The following DNAH17 variants were observed in gnomAD, a reference collection of about 807,000 sequenced individuals.
DNAH17 encodes the protein axonemal beta dynein heavy chain 17.
A neutral mutation model predicts 485.6 loss-of-function variants in DNAH17; 376 were observed. That is an observed-to-expected ratio of 0.77 (90% CI 0.71 to 0.84). The LOEUF is 0.84. Ranked by LOEUF, DNAH17 falls within the 40% of genes least tolerant of loss-of-function variation. DNAH17 has a pLI of 0.00. For missense variants in DNAH17, 6,370 were observed against 5,839.3 expected (o/e 1.09, Z -2.96); for synonymous variants, 3,031 against 2,405.9 (o/e 1.26, Z -7.60).
At chr17:78,553,414 G>A (rs1168333141) in intron 14 of DNAH17, among the ~76,000 whole-genome samples, 3 of 144,928 alleles carry the variant, frequency 2.1e-5, no homozygotes, top group Non-Finnish European at 4.5e-5. Context: ...CAATTCTCCT[G>A]CCTCAGCCTC....
Position 78,450,411 on chromosome 17 carries a change from G to A in DNAH17, c.10900-17C>T, listed in dbSNP as rs1469798352. On this transcript the variant is annotated splice_polypyrimidine_tract_variant and intron_variant, in intron 67 of 80. Coordinates refer to ENST00000389840, the MANE Select transcript of DNAH17 (RefSeq NM_173628.4). Reference sequence around the variant, plus strand: ...CTCCACCACCTCGACACAAACAAAAGGGGTGTGAATGACACAGCAGATGGG... The same window carrying A: ...CTCCACCACCTCGACACAAACAAAAAGGGTGTGAATGACACAGCAGATGGG... 18 of 1,613,238 alleles carry A rather than the reference G, an allele frequency of 1.1e-5. No individual in the cohort carries two copies. The highest frequency in any genetic ancestry group is 1.5e-5 in the Non-Finnish European group (18 of 1,179,708).
chr17:78,457,120 C>T (rs2087840540), intron 62 of DNAH17, among the ~76,000 whole-genome samples: 2 of 152,256 alleles, frequency 1.3e-5, no homozygotes, highest in South Asian at 4.1e-4. Flanking sequence ...CCTGTAATCC[C>T]AGCACTTTGG....
At chr17:78,475,230 T>A (rs751867178) in intron 54 of DNAH17, 48 bp downstream of exon 54, 2 of 1,593,526 alleles carry the variant, frequency 1.3e-6, no homozygotes, top group Non-Finnish European at 1.7e-6. Flanking sequence ...TTTTCTTTAC[T>A]CCCTGACCCT....
intron 77 of DNAH17, among the ~76,000 whole-genome samples, chr17:78,427,917 G>C (rs991814638): frequency 6.7e-6 from 1 of 148,642 alleles, no homozygotes; most frequent in Non-Finnish European, 1.5e-5. Flanking sequence ...AGTGAGCCGA[G>C]ATCGTGCCAT....
intron 77 of DNAH17, among the ~76,000 whole-genome samples, chr17:78,428,108 A>G (rs1465557664): frequency 2.6e-5 from 4 of 151,988 alleles, no homozygotes; most frequent in Admixed American, 1.3e-4. Flanking sequence ...CATTGTGGCC[A>G]CTGAGCGGCT....
In DNAH17 at chr17:78,441,085, C is replaced by T. The variant is rs151195909; in HGVS notation, c.11643G>A (p.Pro3881=). ...CCACGTCTTTCAAGGGGTCAACCCC[C>T]GGGGAGAGGATGAAGAAGATTGACG... ...PSTSIFFILS[P]GVDPLKDVEA... is the part of the protein sequence containing the mutation. The change falls in exon 72 of 81, where the codon CCG becomes CCA. Residue 3881 remains proline (P), a synonymous_variant. Coordinates refer to ENST00000389840, the MANE Select transcript of DNAH17 (RefSeq NM_173628.4). 873 of 1,609,598 alleles carry T rather than the reference C, an allele frequency of 5.4e-4. 3 individuals carry two copies. The African/African-American group carries it at 9.5e-3, about 17-fold the overall frequency.
At chr17:78,555,834 A>G (rs558344114) in intron 14 of DNAH17, among the ~76,000 whole-genome samples, 1 of 152,330 alleles carries the variant, frequency 6.6e-6, no homozygotes, top group South Asian at 2.1e-4. Context: ...GAATAGCACA[A>G]AAGGCGGAGG....
intron 19 of DNAH17, chr17:78,533,109 A>G: frequency 4.6e-6 from 1 of 215,888 alleles, no homozygotes; most frequent in Non-Finnish European, 9.4e-6. Context: ...ATATTCTGCC[A>G]TGGGAAGGTA....
intron 48 of DNAH17, among the ~76,000 whole-genome samples, 188 bp from the exon 49 acceptor site, chr17:78,480,974 T>G (rs1195358729): frequency 6.6e-6 from 1 of 151,974 alleles, no homozygotes; most frequent in Non-Finnish European, 1.5e-5. Context: ...TTTTTGCATT[T>G]TTAGTTGAGA....
chr17:78,469,970 A>C (rs1294753998), intron 54 of DNAH17, among the ~76,000 whole-genome samples: 1 of 152,010 alleles, frequency 6.6e-6, no homozygotes, highest in Non-Finnish European at 1.5e-5. Context: ...TGGGAAGATG[A>C]AAGGGTCCTG....
At chr17:78,480,658 CG>C (rs1568123484) in intron 49 of DNAH17, 25 bp downstream of exon 49, 1 of 1,591,394 alleles carries the variant, frequency 6.3e-7, no homozygotes, top group African/African-American at 1.3e-5. Context: ...TGGCAGGTGA[CG>C]GGGATGAGTA....
In DNAH17 at chr17:78,574,926, A is replaced by G. The variant is rs1303630527; in HGVS notation, c.132T>C (p.Phe44=). ...EENVALFTEF[F]EKPDVQVLVL... is the part of the protein sequence containing the mutation. The stretch of plus-strand genomic sequence containing the variant: ...CCAGCACCTGGACGTCGGGCTTTTC[A>G]AAGAACTCTGTGAACAGGGCCACGT... Residue 44 remains phenylalanine (F), a synonymous_variant, in exon 2 of 81, where the codon TTT becomes TTC. Transcript: ENST00000389840. 6.2e-7 allele frequency: 1 copy of G among 1,613,858 alleles called. No homozygotes were observed. The highest frequency in any genetic ancestry group is 8.5e-7 in the Non-Finnish European group (1 of 1,179,900).
intron 3 of DNAH17, 127 bp from the exon 4 acceptor site, chr17:78,571,909 C>T: frequency 2.3e-6 from 2 of 885,140 alleles, no homozygotes; most frequent in Non-Finnish European, 3.4e-6. Context: ...GGTCTCATGT[C>T]CCTGGTGCCT....
At chr17:78,554,473 G>GT (rs2091977741) in intron 14 of DNAH17, among the ~76,000 whole-genome samples, 1 of 124,752 alleles carries the variant, frequency 8.0e-6, no homozygotes, top group Non-Finnish European at 1.6e-5. Context: ...AAAAAAAAAG[G>GT]ATAGGTTCTA....
Position 78,494,443 on chromosome 17 carries a change from G to T in DNAH17, c.6270+150C>A, listed in dbSNP as rs2089990365. Reference sequence around the variant, plus strand: ...CACTGACAGGGTGGGGCTGGCCAGGGCCACGGAGGCAGCTGTGGCTCAGAG... The same window carrying T: ...CACTGACAGGGTGGGGCTGGCCAGGTCCACGGAGGCAGCTGTGGCTCAGAG... On this transcript the variant is annotated intron_variant, in intron 40 of 80. Coordinates refer to ENST00000389840, the MANE Select transcript of DNAH17 (RefSeq NM_173628.4). The T allele has an allele frequency of 3.0e-6, 3 of 1,007,064 alleles. No homozygotes were observed. In the East Asian group the frequency reaches 7.8e-5, roughly 26 times the overall value. The allele number at this position is 1,007,064 out of a possible 1,614,324, so 62.4% of individuals were successfully genotyped here.
Position 78,526,642 on chromosome 17 carries a change from CA to C in DNAH17, c.3711+8del. On this transcript the variant is annotated splice_region_variant and intron_variant, in intron 24 of 80. Coordinates refer to ENST00000389840, the MANE Select transcript of DNAH17 (RefSeq NM_173628.4). ...CTTACCCCCTGATCTCACCCTTGAG[CA>C]AAAATACCTTATTCAGGGACTTGTA... 6.3e-7 allele frequency: 1 copy of C among 1,591,492 alleles called. No homozygotes were observed. Among genetic ancestry groups the C allele is most frequent in the Non-Finnish European group, 8.6e-7 (1 of 1,166,054 alleles).
At position 78,539,873 on chromosome 17, in the gene DNAH17, G is replaced by A. The variant is rs760026766; in HGVS notation, c.2540C>T (p.Ala847Val). The part of the protein sequence containing the change: ...VKIQAMVAEN[A>V]ELFRADTLSL... ...CAGTGTGTCTGCCCTGAATAGTTCT[G>A]CGTTTTCCTGCAAACAGAAGCGCAC... The change falls in exon 18 of 81, where the codon GCA (alanine) becomes GTA (valine). Residue 847 changes from alanine (A) to valine (V), a missense_variant. Coordinates refer to ENST00000389840, the MANE Select transcript of DNAH17 (RefSeq NM_173628.4). 1.9e-6 allele frequency: 3 copies of A among 1,573,844 alleles called. No homozygotes were observed. In the Admixed American group the frequency reaches 5.9e-5, roughly 31 times the overall value.
Position 78,462,967 on chromosome 17 carries a change from G to A in DNAH17, c.9051C>T (p.Pro3017=). 1.2e-6 allele frequency: 2 copies of A among 1,613,988 alleles called. No individual in the cohort carries two copies. The highest frequency in any genetic ancestry group is 1.6e-4 in the Middle Eastern group (1 of 6,062). Residue 3017 remains proline, a synonymous_variant, in exon 57 of 81, where the codon CCC becomes CCT. Coordinates refer to ENST00000389840, the MANE Select transcript of DNAH17 (RefSeq NM_173628.4). ...ATERRYNYTT[P]KTFLEQIKLY... ...GTTTGATCTGCTCCAGAAAGGTTTT[G>A]GGTGTGGTGTAGTTGTAGCGCCTCT...
chr17:78,478,447 TACCATC>T (rs1038126485), intron 51 of DNAH17, among the ~76,000 whole-genome samples: 2 of 128,780 alleles, frequency 1.6e-5, no homozygotes, highest in African/African-American at 6.2e-5. Context: ...TTACCAACAT[TACCATC>T]ACCATCACTA....
Sources: gnomAD v4.1 joint callset for allele counts (sites outside exome capture counted in the v4.1 genomes callset) on GRCh38, gnomAD v4.1.1 for gene constraint, MANE v1.5 for transcripts, NCBI Gene and HGNC (gene_info 2026-07-23, HGNC 2026-07-21) for gene names.